Variants in ZC3H6 observed in about 807,000 individuals in gnomAD.
ZC3H6 encodes zinc finger CCCH-type containing 6, also known as zinc finger CCCH domain-containing protein 6.
Under a neutral mutation model 107.7 loss-of-function variants are expected in ZC3H6, and 40 were observed. That is an observed-to-expected ratio of 0.37 (90% CI 0.29 to 0.48). The LOEUF (loss-of-function observed/expected upper bound fraction) is 0.48, where lower values mean the gene tolerates loss of function less well. Among genes scored for constraint, ZC3H6 ranks in the 20% least tolerant of loss-of-function variants. ZC3H6 has a pLI of 0.98. For missense variants in ZC3H6, 1,267 were observed against 1,410.4 expected (o/e 0.90, Z 1.63); for synonymous variants, 493 against 487.9 (o/e 1.01, Z -0.14).
At position 112,316,484 on chromosome 2, in the gene ZC3H6, G is replaced by GA. The variant is rs1676698167; in HGVS notation, c.768dup (p.Trp257MetfsTer10). 6.2e-7 allele frequency: 1 copy of GA among 1,603,812 alleles called. No homozygotes were observed. Among genetic ancestry groups the GA allele is most frequent in the Non-Finnish European group, 8.5e-7 (1 of 1,176,086 alleles). ...TTTTCTTGCAGTATAATAAACCAGG[G>GA]AAAAAATGGAAGGTTATGACTCAGG... On this transcript the variant is annotated frameshift_variant, in exon 6 of 12. Transcript: ENST00000409871. LOFTEE classifies it high-confidence loss of function.
intron 1 of ZC3H6, among the ~76,000 whole-genome samples, chr2:112,299,268 C>G (rs1676309191): frequency 7.5e-6 from 1 of 133,310 alleles, no homozygotes; most frequent in Non-Finnish European, 1.5e-5. Flanking sequence ...CAGAGTGAGA[C>G]TCCATCTCAA....
rs1346641948 is a variant in ZC3H6, at chr2:112,333,824, A to T, written c.*1336A>T. On this transcript the variant is annotated 3_prime_UTR_variant, in exon 12 of 12. Coordinates refer to ENST00000409871, the MANE Select transcript of ZC3H6 (RefSeq NM_198581.3). Reference sequence around the variant, plus strand: ...TAAAAGATAATGAAGTAGGTAATGAAATCAGTCCTTGAATGAAAGCAGTGC... The same window carrying T: ...TAAAAGATAATGAAGTAGGTAATGATATCAGTCCTTGAATGAAAGCAGTGC... The T allele has an allele frequency of 6.6e-6, 1 of 152,094 alleles. No individual in the cohort carries two copies. The highest frequency in any genetic ancestry group is 1.5e-5 in the Non-Finnish European group (1 of 67,970). 9.4% of individuals were successfully genotyped at this position (152,094 alleles called of 1,614,324 possible). A position where few individuals can be genotyped will look rare whatever the true frequency, so the allele number is the denominator to read the frequency against.
chr2:112,330,431 G>A (rs1387906705), intron 11 of ZC3H6, among the ~76,000 whole-genome samples: 1 of 152,134 alleles, frequency 6.6e-6, no homozygotes, highest in Non-Finnish European at 1.5e-5. Flanking sequence ...ATAATAAAGA[G>A]TAAATGAAAA....
chr2:112,298,943 C>T (rs895442775), intron 1 of ZC3H6, among the ~76,000 whole-genome samples: 3 of 152,080 alleles, frequency 2.0e-5, no homozygotes, highest in Non-Finnish European at 4.4e-5. Context: ...CCTGTATTAT[C>T]TATTGAAAGA....
intron 3 of ZC3H6, among the ~76,000 whole-genome samples, chr2:112,304,779 T>G (rs1295518970): frequency 6.6e-6 from 1 of 152,216 alleles, no homozygotes; most frequent in Non-Finnish European, 1.5e-5. Flanking sequence ...GTCTCACTGT[T>G]CTGGTCTACA....
intron 11 of ZC3H6, among the ~76,000 whole-genome samples, chr2:112,326,723 G>A (rs901656900): frequency 5.9e-5 from 9 of 151,990 alleles, no homozygotes; most frequent in South Asian, 2.1e-4. Flanking sequence ...AGCAATTCTC[G>A]TGCCTCTGCC....
rs201863719 is a variant in ZC3H6, at chr2:112,324,947, C to T, written c.1853-17C>T. On this transcript the variant is annotated splice_polypyrimidine_tract_variant and intron_variant, in intron 10 of 11. Coordinates refer to ENST00000409871, the MANE Select transcript of ZC3H6 (RefSeq NM_198581.3). ...GTGCTCACTCAATGACTGTCTCTCC[C>T]CATGTTATACATGTAGATGGGATGT... is the stretch of plus-strand genomic sequence containing the variant. 1.3e-6 allele frequency: 2 copies of T among 1,577,248 alleles called. No individual in the cohort carries two copies. Among genetic ancestry groups the T allele is most frequent in the Admixed American group, 1.9e-5 (1 of 53,838 alleles).
rs1676190638 is a variant in ZC3H6 at position 112,294,539 on chromosome 2, C to CT, written c.33-5309dup. On this transcript the variant is annotated intron_variant, in intron 1 of 11. Transcript: ENST00000409871. ...ATGAGTAATGTCATTGTACTATCAT[C>CT]TATCAGGAGTACTTGTATAGTCTTT... Among the ~76,000 whole-genome samples, 7 of 152,274 alleles carry CT rather than the reference C, an allele frequency of 4.6e-5. No individual in the cohort carries two copies. The South Asian group carries it at 1.4e-3, about 32-fold the overall frequency.
chr2:112,335,414 A>G lies in ZC3H6; in HGVS notation c.*2926A>G, dbSNP rs907398205. 3.9e-5 allele frequency: 6 copies of G among 152,098 alleles called. No individual in the cohort carries two copies. The highest frequency in any genetic ancestry group is 1.4e-4 in the African/African-American group (6 of 41,412). The allele number at this position is 152,098 out of a possible 1,614,324, so 9.4% of individuals were successfully genotyped here. A position where few individuals can be genotyped will look rare whatever the true frequency, so the allele number is the denominator to read the frequency against. ...TCCTGTGTGAACTTTTAGCTCAGCT[A>G]CTCTGCTGAATTAATTAGAGGTAGG... On this transcript the variant is annotated 3_prime_UTR_variant, in exon 12 of 12. Transcript: ENST00000409871.
At chr2:112,327,957 T>G (rs1423337355) in intron 11 of ZC3H6, among the ~76,000 whole-genome samples, 1 of 152,144 alleles carries the variant, frequency 6.6e-6, no homozygotes, top group Non-Finnish European at 1.5e-5. Context: ...TGGTGCGATC[T>G]CGGCTCACCA....
intron 7 of ZC3H6, among the ~76,000 whole-genome samples, chr2:112,321,005 G>C (rs1558955472): frequency 6.6e-6 from 1 of 152,024 alleles, no homozygotes; most frequent in African/African-American, 2.4e-5. Context: ...AATTTTATCA[G>C]TTGCCTTTTG....
chr2:112,304,722 G>A (rs1453169349), intron 3 of ZC3H6, among the ~76,000 whole-genome samples: 1 of 152,160 alleles, frequency 6.6e-6, no homozygotes, highest in Non-Finnish European at 1.5e-5. Flanking sequence ...GGATCAGTGT[G>A]CACTTATCTG....
chr2:112,318,898 A>G (rs1242057916), intron 7 of ZC3H6, among the ~76,000 whole-genome samples: 1 of 152,226 alleles, frequency 6.6e-6, no homozygotes, highest in Non-Finnish European at 1.5e-5. Flanking sequence ...AAAAAGAAAC[A>G]ACCAGATATT....
At chr2:112,297,699 A>T (rs966230346) in intron 1 of ZC3H6, among the ~76,000 whole-genome samples, 4 of 152,204 alleles carry the variant, frequency 2.6e-5, no homozygotes, top group Non-Finnish European at 5.9e-5. Context: ...TTATAGTTCT[A>T]CTATGAATCT....
chr2:112,331,509 T>C lies in ZC3H6; in HGVS notation c.2591T>C (p.Met864Thr), dbSNP rs1404464513. ...TTGAGACAGTTCAGTCACATTAAAA[T>C]GGACATTACTCTAACCAAACCCAAC... The part of the protein sequence containing the change: ...SQLRQFSHIK[M>T]DITLTKPNFA... Residue 864 changes from methionine (M) to threonine (T), a missense_variant, in exon 12 of 12, where the codon ATG becomes ACG. Physicochemically the swap from Met to Thr is moderately conservative, Grantham distance 81. This residue lies in a region of ZC3H6 where 925 missense variants were observed against 1,025.7 expected (regional missense o/e 0.90). Coordinates refer to ENST00000409871, the MANE Select transcript of ZC3H6 (RefSeq NM_198581.3). 6 of 1,613,984 alleles carry C rather than the reference T, an allele frequency of 3.7e-6. No homozygotes were observed. Among genetic ancestry groups the C allele is most frequent in the Non-Finnish European group, 4.2e-6 (5 of 1,179,886 alleles).
intron 1 of ZC3H6, among the ~76,000 whole-genome samples, chr2:112,279,518 C>T (rs1686490128): frequency 6.6e-6 from 1 of 152,064 alleles, no homozygotes; most frequent in African/African-American, 2.4e-5. Flanking sequence ...GATAATACTC[C>T]CCTTTGGGAG....
At chr2:112,317,131 A>T (rs373055332) in intron 6 of ZC3H6, 90 bp from the exon 7 acceptor site, 5 of 669,100 alleles carry the variant, frequency 7.5e-6, no homozygotes, top group South Asian at 7.2e-5. Flanking sequence ...TTACCATGAG[A>T]CACCATGTAG....
At chr2:112,294,797 A>T (rs1260507571) in intron 1 of ZC3H6, among the ~76,000 whole-genome samples, 1 of 152,226 alleles carries the variant, frequency 6.6e-6, no homozygotes, top group Non-Finnish European at 1.5e-5. Context: ...GAATAAGAAC[A>T]TCATGGGTGA....
rs1170642938 is a variant in ZC3H6, at chr2:112,335,357, A to G, written c.*2869A>G. 6.6e-6 allele frequency: 1 copy of G among 152,160 alleles called. No homozygotes were observed. The highest frequency in any genetic ancestry group is 2.4e-5 in the African/African-American group (1 of 41,440). 9.4% of individuals were successfully genotyped at this position (152,160 alleles called of 1,614,324 possible). ...TTAAAGAGTAGTGTTCCTCCTACTT[A>G]CTTTAAGCTGGAAGAAGAGTTGAGT... is the stretch of plus-strand genomic sequence containing the variant. On this transcript the variant is annotated 3_prime_UTR_variant, in exon 12 of 12. Transcript: ENST00000409871.
Sources: gnomAD v4.1 joint callset for allele counts (sites outside exome capture counted in the v4.1 genomes callset) on GRCh38, gnomAD v4.1.1 for gene constraint, gnomAD v4.1.1 regional missense constraint, MANE v1.5 for transcripts, NCBI Gene and HGNC (gene_info 2026-07-23, HGNC 2026-07-21) for gene names.